Variants in LRRC37A2 observed in about 807,000 individuals in gnomAD.
The protein encoded by LRRC37A2 is leucine rich repeat containing 37 member A2.
In LRRC37A2, 9 loss-of-function variants were observed where a neutral mutation model predicts 68.8. The ratio of observed to expected loss-of-function variants is 0.13; its 90% CI spans 0.08 to 0.23. The LOEUF (loss-of-function observed/expected upper bound fraction) is 0.23, where lower values mean the gene tolerates loss of function less well. LRRC37A2 is among the 10% of genes least tolerant of loss of function. The probability of loss-of-function intolerance (pLI) is 1.00; values close to 1 mark genes in which losing one functional copy is unlikely to be tolerated. For synonymous variants in LRRC37A2, 63 were observed against 367.6 expected, an observed-to-expected ratio of 0.17 and a Z score of 9.48; for missense variants, 168 against 950.4, an observed-to-expected ratio of 0.18 and a Z score of 10.82.
At chr17:46,740,375 A>G in the LRRC37A2 span, among the ~76,000 whole-genome samples, 5 of 152,222 alleles carry the variant, frequency 3.3e-5, no homozygotes, top group Non-Finnish European at 5.9e-5. Context: ...AAAACTGGAG[A>G]AAGCATTTTA....
the LRRC37A2 span, chr17:46,940,287 C>T: frequency 6.3e-6 from 9 of 1,436,504 alleles, no homozygotes; most frequent in South Asian, 6.0e-5. Context: ...CCTACCCCTC[C>T]GGGCCAAATG....
chr17:47,001,064 AGGT>A, the LRRC37A2 span, among the ~76,000 whole-genome samples: 1 of 152,098 alleles, frequency 6.6e-6, no homozygotes, highest in Non-Finnish European at 1.5e-5. Context: ...TGAACCTAGG[AGGT>A]GGAGGTTGCA....
At chr17:46,951,210 C>T in the LRRC37A2 span, among the ~76,000 whole-genome samples, 6 of 152,178 alleles carry the variant, frequency 3.9e-5, no homozygotes, top group East Asian at 5.8e-4. Flanking sequence ...CAGAGGTGGA[C>T]GCAGCCCACA....
At chr17:46,967,153 A>G in the LRRC37A2 span, among the ~76,000 whole-genome samples, 4 of 152,216 alleles carry the variant, frequency 2.6e-5, no homozygotes, top group African/African-American at 9.6e-5. Context: ...CCTAACCATA[A>G]CAGGATGCAG....
At chr17:46,890,333 C>T in the LRRC37A2 span, among the ~76,000 whole-genome samples, 1 of 152,310 alleles carries the variant, frequency 6.6e-6, no homozygotes, top group South Asian at 2.1e-4. Context: ...AGGAAGAATT[C>T]GGGTCTGTGA....
At chr17:47,049,032 C>A in the LRRC37A2 span, 1 of 569,156 alleles carries the variant, frequency 1.8e-6, no homozygotes, top group Non-Finnish European at 3.2e-6. Flanking sequence ...TATATTTTCT[C>A]CTTTTGTTGT....
chr17:46,973,770 G>A, the LRRC37A2 span, among the ~76,000 whole-genome samples: 4 of 152,052 alleles, frequency 2.6e-5, no homozygotes, highest in African/African-American at 9.7e-5. Context: ...GATACTACTC[G>A]GAAATCCCAC....
chr17:46,511,459 C>CATTTT (rs1391279891), upstream of LRRC37A2: 3 of 94,108 alleles, frequency 3.2e-5, no homozygotes, highest in Admixed American at 1.1e-4. Flanking sequence ...GAATCTCTTC[C>CATTTT]ATTTTATTTT....
the LRRC37A2 span, among the ~76,000 whole-genome samples, chr17:46,914,119 G>A: frequency 6.6e-6 from 1 of 152,100 alleles, no homozygotes; most frequent in African/African-American, 2.4e-5. Flanking sequence ...AAAGTGCAGG[G>A]GGTGGCTGAA....
At chr17:46,723,753 G>T in the LRRC37A2 span, among the ~76,000 whole-genome samples, 1 of 152,074 alleles carries the variant, frequency 6.6e-6, no homozygotes, top group African/African-American at 2.4e-5. Flanking sequence ...TCTAGATTCT[G>T]TCCACTTACC....
chr17:46,485,954 G>A, the LRRC37A2 span, among the ~76,000 whole-genome samples: 203 of 79,390 alleles, frequency 2.6e-3, 39 homozygotes, highest in African/African-American at 8.4e-3. Context: ...CTCCAGCCTG[G>A]GGGACAGAGT....
chr17:46,597,824 A>T, the LRRC37A2 span, among the ~76,000 whole-genome samples: 1 of 15,336 alleles, frequency 6.5e-5, no homozygotes, highest in South Asian at 5.0e-3. Context: ...TTTGAGACAG[A>T]GTCTTGTTCT....
chr17:46,487,644 A>AGTTT, the LRRC37A2 span, among the ~76,000 whole-genome samples: 1 of 99,356 alleles, frequency 1.0e-5, no homozygotes, highest in African/African-American at 3.7e-5. Flanking sequence ...TGACTACTAT[A>AGTTT]GTTTCTAAGA....
At chr17:46,990,042 T>C in the LRRC37A2 span, among the ~76,000 whole-genome samples, 1 of 152,190 alleles carries the variant, frequency 6.6e-6, no homozygotes, top group Non-Finnish European at 1.5e-5. Context: ...TAAGCCAAAG[T>C]GGGCCAATCT....
chr17:47,019,159 C>T, the LRRC37A2 span: 4 of 1,336,820 alleles, frequency 3.0e-6, no homozygotes, highest in Admixed American at 6.8e-5. Context: ...ACTCAGCATT[C>T]ACACCTGACT....
chr17:46,625,923 C>T, the LRRC37A2 span, among the ~76,000 whole-genome samples: 9 of 126,214 alleles, frequency 7.1e-5, 1 homozygote, highest in Non-Finnish European at 1.1e-4. Flanking sequence ...TGCTGCATAA[C>T]AGGATTTGAA....
chr17:46,741,924 C>A, the LRRC37A2 span, among the ~76,000 whole-genome samples: 1 of 152,196 alleles, frequency 6.6e-6, no homozygotes, highest in Non-Finnish European at 1.5e-5. Context: ...TGCCACCACG[C>A]CTGGCTAATT....
chr17:46,851,179 C>G, the LRRC37A2 span, among the ~76,000 whole-genome samples: 1 of 151,994 alleles, frequency 6.6e-6, no homozygotes, highest in Non-Finnish European at 1.5e-5. The surrounding 1 kb of genome is among the most constrained non-coding windows in gnomAD (Gnocchi z 4.3). Context: ...TCCACCGACT[C>G]CAGATGCGTC....
At chr17:46,823,877 C>T in the LRRC37A2 span, among the ~76,000 whole-genome samples, 3 of 150,592 alleles carry the variant, frequency 2.0e-5, no homozygotes, top group Non-Finnish European at 4.5e-5. Flanking sequence ...TAACACTTTC[C>T]ACCTTGTAGG....
Sources: allele counts gnomAD v4.1 joint callset (sites outside exome capture counted in the v4.1 genomes callset), GRCh38; gene constraint gnomAD v4.1.1; non-coding constraint Gnocchi (gnomAD v3.1); transcripts MANE v1.5; gene names NCBI Gene and HGNC (gene_info 2026-07-23, HGNC 2026-07-21).